The following PTAFR variants were observed in gnomAD, a reference collection of about 807,000 sequenced individuals.
PTAFR encodes the protein platelet activating factor receptor, also known as platelet-activating factor receptor.
In PTAFR, 8 loss-of-function variants were observed where a neutral mutation model predicts 14.7. The ratio of observed to expected loss-of-function variants is 0.54; its 90% CI spans 0.32 to 0.98. The LOEUF (loss-of-function observed/expected upper bound fraction) is 0.98, where lower values mean the gene tolerates loss of function less well. Among genes scored for constraint, PTAFR ranks in the 50% least tolerant of loss-of-function variants. The pLI, the probability that PTAFR is intolerant of heterozygous loss-of-function variation, is 0.04. For synonymous variants in PTAFR, 156 were observed against 176.5 expected (o/e 0.88, Z 0.92); for missense variants, 337 against 451.2 (o/e 0.75, Z 2.29).
intron 1 of PTAFR, among the ~76,000 whole-genome samples, chr1:28,173,582 T>A (rs1279840547): frequency 6.7e-6 from 1 of 149,480 alleles, no homozygotes; most frequent in Admixed American, 6.7e-5. Flanking sequence ...GCCCAGGAGA[T>A]CGAGGCTGCA....
intron 1 of PTAFR, among the ~76,000 whole-genome samples, chr1:28,152,507 CT>C (rs1028766131): frequency 6.6e-6 from 1 of 151,988 alleles, no homozygotes; most frequent in Non-Finnish European, 1.5e-5. Flanking sequence ...GGAGGCTGGG[CT>C]GAGGTGGGTG....
In PTAFR at chr1:28,150,406, T is replaced by A. The variant is rs778414623; in HGVS notation, c.616A>T (p.Asn206Tyr). Residue 206 changes from asparagine (N) to tyrosine (Y), a missense_variant, in exon 2 of 2, where the codon AAC becomes TAC. Transcript: ENST00000373857. This position sits in a 1 kb window ranked among gnomAD's most constrained non-coding sequence, Gnocchi z 6.3. ...FLVFLIILFC[N>Y]LVIIRTLLMQ... Reference sequence around the variant, plus strand: ...AGCAAGGTACGGATGATGACCAGGTTGCAGAAGAGGATGATGAGGAAGACC... The same window carrying A: ...AGCAAGGTACGGATGATGACCAGGTAGCAGAAGAGGATGATGAGGAAGACC... 6.2e-7 allele frequency: 1 copy of A among 1,613,970 alleles called. No homozygotes were observed. The highest frequency in any genetic ancestry group is 8.5e-7 in the Non-Finnish European group (1 of 1,179,892).
At chr1:28,171,277 T>G (rs888103279) in intron 1 of PTAFR, among the ~76,000 whole-genome samples, 1 of 150,920 alleles carries the variant, frequency 6.6e-6, no homozygotes, top group Non-Finnish European at 1.5e-5. Flanking sequence ...GAACTGAGAT[T>G]GTGCCACTGC....
chr1:28,193,115 G>A (rs1037103389), intron 1 of PTAFR, among the ~76,000 whole-genome samples: 1 of 152,150 alleles, frequency 6.6e-6, no homozygotes, highest in Admixed American at 6.5e-5. Flanking sequence ...ACAGTAGGGC[G>A]GGTGCATCTA....
Position 28,149,443 on chromosome 1 carries a change from C to G in PTAFR, c.*550G>C, listed in dbSNP as rs886447784. On this transcript the variant is annotated 3_prime_UTR_variant, in exon 2 of 2. Transcript: ENST00000373857. ...CTGCCTCCCAGGTTCAAGCGATTCTCCTGCCTCAGCCTCCTGAGTAGCTGG... is the reference window on the plus strand; with the variant it reads ...CTGCCTCCCAGGTTCAAGCGATTCTGCTGCCTCAGCCTCCTGAGTAGCTGG... 1 of 149,832 alleles carries G rather than the reference C, an allele frequency of 6.7e-6. No individual in the cohort carries two copies. The highest frequency in any genetic ancestry group is 1.5e-5 in the Non-Finnish European group (1 of 68,696). The allele number at this position is 149,832 out of a possible 1,614,324, so 9.3% of individuals were successfully genotyped here.
chr1:28,158,147 C>T (rs566184767), intron 1 of PTAFR, among the ~76,000 whole-genome samples: 2 of 152,156 alleles, frequency 1.3e-5, no homozygotes, highest in South Asian at 2.1e-4. Flanking sequence ...GATAAGCGGG[C>T]GGTGCTATGA....
At chr1:28,172,770 C>T (rs745899689) in intron 1 of PTAFR, among the ~76,000 whole-genome samples, 6 of 152,164 alleles carry the variant, frequency 3.9e-5, no homozygotes, top group African/African-American at 9.7e-5. Flanking sequence ...GGGCTCTGGC[C>T]TCAGCTGTGC....
At chr1:28,184,642 T>C (rs1221736356) in intron 1 of PTAFR, among the ~76,000 whole-genome samples, 1 of 151,094 alleles carries the variant, frequency 6.6e-6, no homozygotes, top group Non-Finnish European at 1.5e-5. Context: ...TTCCTTTTGT[T>C]TTTTTGTTTG....
chr1:28,167,124 A>C (rs1646394338), intron 1 of PTAFR, among the ~76,000 whole-genome samples: 1 of 152,226 alleles, frequency 6.6e-6, no homozygotes, highest in Non-Finnish European at 1.5e-5. Context: ...GCAAACTTTA[A>C]ATAATCTCCA....
chr1:28,173,021 G>A (rs979517583), intron 1 of PTAFR, among the ~76,000 whole-genome samples: 1 of 150,388 alleles, frequency 6.6e-6, no homozygotes, highest in Non-Finnish European at 1.5e-5. Flanking sequence ...TGTAATCCCA[G>A]CGCTTTGGGA....
intron 1 of PTAFR, among the ~76,000 whole-genome samples, chr1:28,182,719 C>A (rs1646572034): frequency 6.6e-6 from 1 of 152,020 alleles, no homozygotes; most frequent in Non-Finnish European, 1.5e-5. Flanking sequence ...TCACTTTTGT[C>A]ACCCAGGCTG....
chr1:28,163,557 A>G (rs147071208), intron 1 of PTAFR, among the ~76,000 whole-genome samples: 124 of 152,316 alleles, frequency 8.1e-4, no homozygotes, highest in African/African-American at 2.5e-3. Context: ...CTGGCTTACC[A>G]TTTACTTGCT....
intron 1 of PTAFR, among the ~76,000 whole-genome samples, chr1:28,173,905 G>C (rs1478750064): frequency 2.0e-5 from 3 of 152,120 alleles, no homozygotes; most frequent in Non-Finnish European, 2.9e-5. Flanking sequence ...AAGACACACA[G>C]AGGCATATCA....
intron 1 of PTAFR, among the ~76,000 whole-genome samples, chr1:28,168,019 C>T (rs556438471): frequency 3.9e-5 from 5 of 129,274 alleles, no homozygotes; most frequent in African/African-American, 1.2e-4. Context: ...AGTGCAGTGG[C>T]GCAATCTCGG....
upstream of PTAFR, among the ~76,000 whole-genome samples, chr1:28,178,788 T>C (rs1646539607): frequency 6.6e-6 from 1 of 151,970 alleles, no homozygotes; most frequent in Non-Finnish European, 1.5e-5. Context: ...CACTCACACC[T>C]GCCAGGCTCA....
At chr1:28,185,692 G>C (rs1646600611) in intron 1 of PTAFR, among the ~76,000 whole-genome samples, 2 of 138,214 alleles carry the variant, frequency 1.4e-5, no homozygotes. Flanking sequence ...AAGACTATCA[G>C]ACCAAAGGAA....
chr1:28,152,094 G>T (rs1472807147), intron 1 of PTAFR, among the ~76,000 whole-genome samples: 1 of 151,880 alleles, frequency 6.6e-6, no homozygotes, highest in Non-Finnish European at 1.5e-5. Context: ...AAGGGGTTTT[G>T]CTATGTTGCC....
intron 1 of PTAFR, among the ~76,000 whole-genome samples, chr1:28,160,359 C>T (rs1438111821): frequency 6.7e-6 from 1 of 150,346 alleles, no homozygotes; most frequent in Non-Finnish European, 1.5e-5. Flanking sequence ...ATTAGATGTG[C>T]ACTCCAACCT....
intron 1 of PTAFR, among the ~76,000 whole-genome samples, chr1:28,173,384 T>C (rs1646473931): frequency 6.6e-6 from 1 of 151,568 alleles, no homozygotes; most frequent in South Asian, 2.1e-4. Flanking sequence ...GGCAGGCGGA[T>C]TGCTTGAGCA....
Sources: gnomAD v4.1 joint callset for allele counts (sites outside exome capture counted in the v4.1 genomes callset) on GRCh38, gnomAD v4.1.1 for gene constraint, Gnocchi (gnomAD v3.1) non-coding constraint, MANE v1.5 for transcripts, NCBI Gene and HGNC (gene_info 2026-07-23, HGNC 2026-07-21) for gene names.